The following AKAP7 variants were observed in gnomAD, a reference collection of about 807,000 sequenced individuals.
AKAP7 encodes A-kinase anchoring protein 7.
In AKAP7, 39 loss-of-function variants were observed where a neutral mutation model predicts 39.5. The ratio of observed to expected loss-of-function variants is 0.99; its 90% CI spans 0.76 to 1.29. AKAP7 has a LOEUF of 1.29. Among genes scored for constraint, AKAP7 ranks in the 50% most tolerant of loss-of-function variants. AKAP7 has a pLI of 0.00. For synonymous variants in AKAP7, 140 were observed against 139.1 expected (o/e 1.01, Z -0.05); for missense variants, 414 against 407.7 (o/e 1.02, Z -0.13).
In AKAP7 at chr6:131,282,769, A is replaced by G. The variant is rs1815305475; in HGVS notation, c.*1043A>G. ...TGCCAAAGAAAATTGATTCTGCCCA[A>G]TTATTTTTTGAGCTACACTTGTGTT... On this transcript the variant is annotated 3_prime_UTR_variant, in exon 8 of 8. Transcript: ENST00000431975. 3.8e-6 allele frequency: 2 copies of G among 527,226 alleles called. No individual in the cohort carries two copies. Among genetic ancestry groups the G allele is most frequent in the South Asian group, 3.9e-5 (1 of 25,778 alleles). 32.7% of individuals were successfully genotyped at this position (527,226 alleles called of 1,614,324 possible).
At chr6:131,142,985 C>G (rs1801172238) in intron 1 of AKAP7, among the ~76,000 whole-genome samples, 1 of 152,208 alleles carries the variant, frequency 6.6e-6, no homozygotes, top group South Asian at 2.1e-4. Context: ...TTGCCCCTTT[C>G]TTTTGGATTT....
chr6:131,252,568 G>A (rs1325920946), intron 7 of AKAP7, among the ~76,000 whole-genome samples: 1 of 152,154 alleles, frequency 6.6e-6, no homozygotes, highest in East Asian at 1.9e-4. Context: ...ATAGGCTTCT[G>A]TGCCAGGCAT....
chr6:131,140,926 A>G (rs1379872285), intron 1 of AKAP7, among the ~76,000 whole-genome samples: 1 of 152,170 alleles, frequency 6.6e-6, no homozygotes, highest in African/African-American at 2.4e-5. Context: ...TTTTTCACAT[A>G]TTTGCAAGTT....
At chr6:131,138,300 C>A (rs932955646) in intron 1 of AKAP7, among the ~76,000 whole-genome samples, 6 of 152,174 alleles carry the variant, frequency 3.9e-5, no homozygotes, top group East Asian at 1.9e-4. Flanking sequence ...GGATCTTATT[C>A]TTTTGTATGG....
intron 4 of AKAP7, among the ~76,000 whole-genome samples, chr6:131,167,475 T>C (rs947151104): frequency 6.6e-6 from 1 of 152,208 alleles, no homozygotes; most frequent in Non-Finnish European, 1.5e-5. Flanking sequence ...CCCCAACTTA[T>C]AAATGAGCCA....
intron 7 of AKAP7, among the ~76,000 whole-genome samples, chr6:131,232,255 T>C (rs894411613): frequency 6.6e-6 from 1 of 152,186 alleles, no homozygotes; most frequent in Non-Finnish European, 1.5e-5. Context: ...TCACGAGTTA[T>C]TTGTGGAGCC....
chr6:131,210,213 A>T (rs992730045), intron 6 of AKAP7, among the ~76,000 whole-genome samples: 10 of 152,258 alleles, frequency 6.6e-5, no homozygotes, highest in Non-Finnish European at 1.5e-4. Flanking sequence ...TGACCATCAG[A>T]ATCTTACTCT....
chr6:131,253,205 T>G, intron 7 of AKAP7: 1 of 1,105,860 alleles, frequency 9.0e-7, no homozygotes, highest in Non-Finnish European at 1.3e-6. Context: ...TTTAATTGAT[T>G]TATTAGTGCT....
rs549724216 is a variant in AKAP7, at chr6:131,225,936, GGTTTTTGTTT to G, written c.850+6137_850+6146del. On this transcript the variant is annotated intron_variant, in intron 7 of 7. Coordinates refer to ENST00000431975, the MANE Select transcript of AKAP7 (RefSeq NM_016377.4). Reference sequence around the variant, plus strand: ...CCTTACATGTACTTGATTGAACAGGGGTTTTTGTTTGTTTTTGTATAATTCAAATTACTTG... The same window carrying G: ...CCTTACATGTACTTGATTGAACAGGGGTTTTTGTATAATTCAAATTACTTG... Among the ~76,000 whole-genome samples, 11 of 152,216 alleles carry G rather than the reference GGTTTTTGTTT, an allele frequency of 7.2e-5. 1 individual carries two copies. The highest frequency in any genetic ancestry group is 3.4e-3 in the Middle Eastern group (1 of 294).
At chr6:131,136,935 T>C in intron 1 of AKAP7, 2 of 869,344 alleles carry the variant, frequency 2.3e-6, no homozygotes, top group Non-Finnish European at 1.4e-6. Context: ...AACTTATTTA[T>C]GTATGTACTT....
At chr6:131,276,482 T>C (rs2128338286) in intron 7 of AKAP7, among the ~76,000 whole-genome samples, 1 of 152,162 alleles carries the variant, frequency 6.6e-6, no homozygotes, top group Admixed American at 6.5e-5. Context: ...CATCCTAACT[T>C]TGTGAATAGC....
At chr6:131,178,712 G>T (rs904014543) in intron 5 of AKAP7, among the ~76,000 whole-genome samples, 3 of 152,114 alleles carry the variant, frequency 2.0e-5, no homozygotes, top group Middle Eastern at 3.2e-3. Context: ...CATTCTCTTG[G>T]TGGCTCTTTC....
At chr6:131,174,008 G>GT (rs1804337719) in intron 5 of AKAP7, among the ~76,000 whole-genome samples, 1 of 152,184 alleles carries the variant, frequency 6.6e-6, no homozygotes, top group South Asian at 2.1e-4. Flanking sequence ...GAAGATGTTG[G>GT]TTTGTTGTTA....
intron 7 of AKAP7, among the ~76,000 whole-genome samples, chr6:131,260,451 C>T (rs1351356268): frequency 1.3e-5 from 2 of 152,080 alleles, no homozygotes; most frequent in African/African-American, 2.4e-5. Flanking sequence ...TTTCTCCAGC[C>T]TCGCCAGCAT....
intron 4 of AKAP7, among the ~76,000 whole-genome samples, 159 bp downstream of exon 4, chr6:131,165,376 T>C (rs756679989): frequency 1.3e-5 from 2 of 152,188 alleles, no homozygotes; most frequent in Non-Finnish European, 2.9e-5. Context: ...TGTATAAATA[T>C]TCTTTTTAAT....
rs555648777 is a variant in AKAP7, at chr6:131,137,112, G to A, written c.19+1330G>A. 3.9e-5 allele frequency among the ~76,000 whole-genome samples: 6 copies of A among 152,062 alleles called. 1 individual carries two copies. The South Asian group carries it at 1.2e-3, about 32-fold the overall frequency. Reference sequence around the variant, plus strand: ...CAAGTAGCGGGGACTACAGGTCTGTGCCAACATGCCTGACTAATTTTTGTA... The same window carrying A: ...CAAGTAGCGGGGACTACAGGTCTGTACCAACATGCCTGACTAATTTTTGTA... On this transcript the variant is annotated intron_variant, in intron 1 of 7. Transcript: ENST00000431975.
At chr6:131,257,336 C>A (rs912247311) in intron 7 of AKAP7, among the ~76,000 whole-genome samples, 19 of 147,586 alleles carry the variant, frequency 1.3e-4, no homozygotes, top group Middle Eastern at 3.4e-3. Flanking sequence ...CCACTGTACT[C>A]CAGCCTGGGT....
At chr6:131,126,107 A>G in the AKAP7 span, among the ~76,000 whole-genome samples, 1 of 152,228 alleles carries the variant, frequency 6.6e-6, no homozygotes, top group East Asian at 1.9e-4. Flanking sequence ...ACTTTAATAA[A>G]TAAGTTATAT....
At chr6:131,139,488 A>T (rs1234174368) in intron 1 of AKAP7, among the ~76,000 whole-genome samples, 1 of 152,192 alleles carries the variant, frequency 6.6e-6, no homozygotes, top group Non-Finnish European at 1.5e-5. Context: ...GTCAAATGGG[A>T]TACTAGTACT....
Sources: allele counts gnomAD v4.1 joint callset (sites outside exome capture counted in the v4.1 genomes callset), GRCh38; gene constraint gnomAD v4.1.1; transcripts MANE v1.5; gene names NCBI Gene and HGNC (gene_info 2026-07-23, HGNC 2026-07-21).